The following LYRM1 variants were observed in gnomAD, a reference collection of about 807,000 sequenced individuals.
LYRM1 encodes LYR motif containing 1, also known as LYR motif-containing protein 1.
In LYRM1, 14 loss-of-function variants were observed where a neutral mutation model predicts 14.9. That is an observed-to-expected ratio of 0.94 (90% CI 0.62 to 1.47). The LOEUF (loss-of-function observed/expected upper bound fraction) is 1.47. Among genes scored for constraint, LYRM1 ranks in the 40% most tolerant of loss-of-function variants. The pLI is 0.00. For synonymous variants in LYRM1, 43 were observed against 56.2 expected, an observed-to-expected ratio of 0.77 and a Z score of 1.05; for missense variants, 153 against 149.9, an observed-to-expected ratio of 1.02 and a Z score of -0.11.
At position 20,924,072 on chromosome 16, in the gene LYRM1, CT is replaced by C; in HGVS notation, c.328del (p.Ser110ProfsTer41). On this transcript the variant is annotated frameshift_variant, in exon 4 of 4. Coordinates refer to ENST00000567954, the MANE Select transcript of LYRM1 (RefSeq NM_001128302.3). LOFTEE classifies it high-confidence loss of function. ...GLRSQEKLRKLSKPVYLRSHD... is the reference protein window; with the variant it reads ...GLRSQEKLRKXSKPVYLRSHD... ...TCGAAGCCAAGAGAAACTGAGGAAA[CT>C]TTCCAAACCAGTATATCTCAGATCT... 1.2e-6 allele frequency: 2 copies of C among 1,613,152 alleles called. No individual in the cohort carries two copies. Among genetic ancestry groups the C allele is most frequent in the Non-Finnish European group, 1.7e-6 (2 of 1,179,298 alleles).
At chr16:20,922,210 G>T (rs574716113) in intron 3 of LYRM1, among the ~76,000 whole-genome samples, 17 of 151,434 alleles carry the variant, frequency 1.1e-4, no homozygotes, top group Non-Finnish European at 2.2e-4. Context: ...GGCTGGTCTC[G>T]AACTCCTGGC....
At position 20,924,045 on chromosome 16, in the gene LYRM1, C is replaced by A; in HGVS notation, c.298C>A (p.Leu100Ile). ...CCTTACCCCACTCCGAGGCCGGGGACTTCGAAGCCAAGAGAAACTGAGGAA... is the reference window on the plus strand; with the variant it reads ...CCTTACCCCACTCCGAGGCCGGGGAATTCGAAGCCAAGAGAAACTGAGGAA... ...MGLTPLRGRG[L>I]RSQEKLRKLS... The change falls in exon 4 of 4, where the codon CTT becomes ATT. Residue 100 changes from leucine (L) to isoleucine (I), a missense_variant. Transcript: ENST00000567954. The A allele has an allele frequency of 1.9e-6, 3 of 1,613,602 alleles. No individual in the cohort carries two copies. The highest frequency in any genetic ancestry group is 2.5e-6 in the Non-Finnish European group (3 of 1,179,624).
Position 20,901,450 on chromosome 16 carries a change from C to G in LYRM1, c.-1+561C>G, listed in dbSNP as rs2082047136. Among the ~76,000 whole-genome samples the G allele has an allele frequency of 6.6e-6, 1 of 152,116 alleles. No individual in the cohort carries two copies. Among genetic ancestry groups the G allele is most frequent in the Admixed American group, 6.5e-5 (1 of 15,270 alleles). ...AGGTGACAGAAGATGGGGGGAGGGC[C>G]CCTCGAAATCGGGTAAGGTCGTTCA... On this transcript the variant is annotated intron_variant, in intron 1 of 3. Transcript: ENST00000567954. This position sits in a 1 kb window ranked among gnomAD's most constrained non-coding sequence, Gnocchi z 4.6.
At chr16:20,912,582 A>T (rs1216245930) in intron 1 of LYRM1, among the ~76,000 whole-genome samples, 1 of 151,824 alleles carries the variant, frequency 6.6e-6, no homozygotes, top group Non-Finnish European at 1.5e-5. Flanking sequence ...GCCTTAAATA[A>T]TTTTTTTTAA....
In LYRM1 at chr16:20,924,233, C is replaced by A; in HGVS notation, c.*117C>A. On this transcript the variant is annotated 3_prime_UTR_variant, in exon 4 of 4. Transcript: ENST00000567954. ...TTCAAATGTCTTCTTAAAACCTCCA[C>A]AATTGATTCTCCCCCTGTGATGTAA... 4.8e-6 allele frequency: 3 copies of A among 620,788 alleles called. No homozygotes were observed. The highest frequency in any genetic ancestry group is 8.7e-6 in the Non-Finnish European group (3 of 344,856). The allele number at this position is 620,788 out of a possible 1,614,324, so 38.5% of individuals were successfully genotyped here.
intron 1 of LYRM1, among the ~76,000 whole-genome samples, chr16:20,904,842 T>C (rs1217731666): frequency 1.3e-5 from 2 of 151,820 alleles, no homozygotes; most frequent in Non-Finnish European, 2.9e-5. Context: ...ATAACAGATC[T>C]AAGAGAAAAG....
At chr16:20,906,253 G>A (rs2082315045) in intron 1 of LYRM1, among the ~76,000 whole-genome samples, 1 of 152,196 alleles carries the variant, frequency 6.6e-6, no homozygotes, top group African/African-American at 2.4e-5. Context: ...CCGTCCAGAA[G>A]TGATGGAAGT....
chr16:20,900,228 C>G (rs916594139), upstream of LYRM1: 14 of 148,228 alleles, frequency 9.4e-5, no homozygotes, highest in African/African-American at 5.0e-5. Context: ...TTCCTCCAGT[C>G]AAACCCTTTC....
rs1303385828 is a variant in LYRM1, at chr16:20,901,712, T to C, written c.-1+823T>C. Among the ~76,000 whole-genome samples, 1 of 152,184 alleles carries C rather than the reference T, an allele frequency of 6.6e-6. No homozygotes were observed. Among genetic ancestry groups the C allele is most frequent in the Non-Finnish European group, 1.5e-5 (1 of 68,032 alleles). ...ACCTTAAGGGTTTTAAGAAGGGAAG[T>C]GACCTGACCTGATTTACATTTTTAA... is the stretch of plus-strand genomic sequence containing the variant. On this transcript the variant is annotated intron_variant, in intron 1 of 3. Coordinates refer to ENST00000567954, the MANE Select transcript of LYRM1 (RefSeq NM_001128302.3). The surrounding 1 kb of genome is among the most constrained non-coding windows in gnomAD (Gnocchi z 4.6).
chr16:20,902,230 G>A (rs1277962337), intron 1 of LYRM1, among the ~76,000 whole-genome samples: 1 of 152,186 alleles, frequency 6.6e-6, no homozygotes, highest in Non-Finnish European at 1.5e-5. Flanking sequence ...TGTAGGAGAG[G>A]GAGGAACCAA....
In LYRM1 at chr16:20,901,830, G is replaced by A. The variant is rs1042437814; in HGVS notation, c.-1+941G>A. On this transcript the variant is annotated intron_variant, in intron 1 of 3. Transcript: ENST00000567954. The surrounding 1 kb of genome is among the most constrained non-coding windows in gnomAD (Gnocchi z 4.6). ...GTAAGACAAAGGAGAGGTGAAGATA[G>A]TGTTGAAAGGGCCGGCCGGGCGCGG... Among the ~76,000 whole-genome samples the A allele has an allele frequency of 6.6e-6, 1 of 152,202 alleles. No homozygotes were observed. The highest frequency in any genetic ancestry group is 2.4e-5 in the African/African-American group (1 of 41,450).
intron 1 of LYRM1, among the ~76,000 whole-genome samples, chr16:20,904,691 T>TTGTG (rs3841490): frequency 0.014 from 1,914 of 141,078 alleles, 32 homozygotes; most frequent in African/African-American, 0.036. Context: ...AAGTCTGTGG[T>TTGTG]TGTGTGTGTG....
At chr16:20,904,303 T>C (rs2082208425) in intron 1 of LYRM1, among the ~76,000 whole-genome samples, 1 of 152,204 alleles carries the variant, frequency 6.6e-6, no homozygotes, top group African/African-American at 2.4e-5. Context: ...GCTCCGGTGC[T>C]GGTATGATAT....
intron 1 of LYRM1, among the ~76,000 whole-genome samples, chr16:20,909,479 G>T (rs1207592997): frequency 3.3e-5 from 5 of 152,166 alleles, no homozygotes; most frequent in Non-Finnish European, 7.3e-5. Context: ...GTTGAATTGT[G>T]GTCCTCTAAA....
chr16:20,908,077 G>A (rs540471396), intron 1 of LYRM1, among the ~76,000 whole-genome samples: 1 of 152,294 alleles, frequency 6.6e-6, no homozygotes, highest in South Asian at 2.1e-4. Context: ...TAGCACTGTA[G>A]TGAGCCCCTG....
chr16:20,909,114 A>C (rs1332322027), intron 1 of LYRM1, among the ~76,000 whole-genome samples: 2 of 152,154 alleles, frequency 1.3e-5, no homozygotes, highest in Non-Finnish European at 1.5e-5. Context: ...GCATTAGGGG[A>C]CACATCTCTT....
intron 3 of LYRM1, 151 bp from the exon 4 acceptor site, chr16:20,923,849 T>C: frequency 1.9e-6 from 1 of 531,368 alleles, no homozygotes; most frequent in Non-Finnish European, 3.4e-6. Context: ...CCTTATGAGG[T>C]TGTTGTAGGA....
chr16:20,903,733 C>G (rs1322636625), intron 1 of LYRM1, among the ~76,000 whole-genome samples: 1 of 151,834 alleles, frequency 6.6e-6, no homozygotes, highest in Non-Finnish European at 1.5e-5. Flanking sequence ...GTGGAGGAAG[C>G]TGTCCTGAAG....
chr16:20,914,341 T>C (rs530207100), intron 1 of LYRM1, among the ~76,000 whole-genome samples: 40 of 145,740 alleles, frequency 2.7e-4, no homozygotes, highest in Admixed American at 6.5e-4. Context: ...CAGGCTGGAG[T>C]GCAATGGTGC....
Sources: allele counts gnomAD v4.1 joint callset (sites outside exome capture counted in the v4.1 genomes callset), GRCh38; gene constraint gnomAD v4.1.1; non-coding constraint Gnocchi (gnomAD v3.1); transcripts MANE v1.5; gene names NCBI Gene and HGNC (gene_info 2026-07-23, HGNC 2026-07-21).